The following RPN2 variants were observed in gnomAD, a reference collection of about 807,000 sequenced individuals.
RPN2 encodes ribophorin II.
Under a neutral mutation model 71.4 loss-of-function variants are expected in RPN2, and 29 were observed. The ratio of observed to expected loss-of-function variants is 0.41; its 90% CI spans 0.30 to 0.55. RPN2 has a LOEUF of 0.55. Among genes scored for constraint, RPN2 ranks in the 20% least tolerant of loss-of-function variants. RPN2 has a pLI of 0.35. For synonymous variants in RPN2, 308 were observed against 305.0 expected, an observed-to-expected ratio of 1.01 and a Z score of -0.10; for missense variants, 726 against 774.1, an observed-to-expected ratio of 0.94 and a Z score of 0.74.
In RPN2 at chr20:37,229,994, C is replaced by T. The variant is rs747166299; in HGVS notation, c.1516C>T (p.Pro506Ser). Residue 506 changes from proline (P) to serine (S), a missense_variant, in exon 13 of 17, where the codon CCT (proline) becomes TCT (serine). Transcript: ENST00000237530. ...CTAGGCTGATGTGGTCATCAAGTTC[C>T]CTGAGGAAGAAGCTCCCTCGACTGT... Reference protein sequence around the residue: ...WNVADVVIKFPEEEAPSTVLS... With the variant: ...WNVADVVIKFSEEEAPSTVLS... 1 of 1,613,952 alleles carries T rather than the reference C, an allele frequency of 6.2e-7. No homozygotes were observed. Among genetic ancestry groups the T allele is most frequent in the Non-Finnish European group, 8.5e-7 (1 of 1,179,958 alleles).
chr20:37,234,141 T>G (rs6104178), intron 15 of RPN2, 46 bp downstream of exon 15: 1 of 1,593,634 alleles, frequency 6.3e-7, no homozygotes, highest in African/African-American at 1.3e-5. Context: ...CTCTGACATT[T>G]AGCCTGCCCA....
At chr20:37,206,593 A>G (rs1264849776) in intron 6 of RPN2, among the ~76,000 whole-genome samples, 1 of 152,216 alleles carries the variant, frequency 6.6e-6, no homozygotes, top group Non-Finnish European at 1.5e-5. Context: ...TAAAGCACCT[A>G]TCATGATGCC....
intron 9 of RPN2, among the ~76,000 whole-genome samples, chr20:37,217,490 A>T (rs2067840736): frequency 6.6e-6 from 1 of 151,278 alleles, no homozygotes; most frequent in South Asian, 2.1e-4. Flanking sequence ...ACGGGGTTTC[A>T]CTATGTTGGC....
intron 3 of RPN2, 99 bp from the exon 4 acceptor site, chr20:37,198,951 A>T: frequency 1.1e-6 from 1 of 949,810 alleles, no homozygotes; most frequent in Non-Finnish European, 1.7e-6. Context: ...TGCGAGGCGG[A>T]GGTGACTTTG....
rs1176632709 is a variant in RPN2 at position 37,234,066 on chromosome 20, G to C, written c.1724G>C (p.Ser575Thr). 2 of 1,614,176 alleles carry C rather than the reference G, an allele frequency of 1.2e-6. No individual in the cohort carries two copies. The highest frequency in any genetic ancestry group is 3.3e-5 in the Admixed American group (2 of 60,028). The change falls in exon 15 of 17, where the codon AGC becomes ACC. Residue 575 changes from serine to threonine, a missense_variant. Coordinates refer to ENST00000237530, the MANE Select transcript of RPN2 (RefSeq NM_002951.5). ...ANVSNFTFAP[S>T]TIIFHLGHAA... ...GTCTCCAACTTCACTTTTGCTCCTA[G>C]CACGATTATATTTCACCTGGGACAT...
chr20:37,204,861 A>G lies in RPN2; in HGVS notation c.650A>G (p.Lys217Arg), dbSNP rs2067476541. 2.5e-6 allele frequency: 4 copies of G among 1,614,188 alleles called. No individual in the cohort carries two copies. In the East Asian group the frequency reaches 6.7e-5, roughly 27 times the overall value. Residue 217 changes from lysine (K) to arginine (R), a missense_variant, in exon 6 of 17, where the codon AAG becomes AGG. Lys to Arg is a conservative substitution (Grantham distance 26). Transcript: ENST00000237530. Reference protein sequence around the residue: ...TTALFVAATYKLMDHVGTEPS... With the variant: ...TTALFVAATYRLMDHVGTEPS... ...GCGTTATTTGTGGCTGCCACCTACAAGCTCATGGATCATGTGGGGACTGAG... is the reference window on the plus strand; with the variant it reads ...GCGTTATTTGTGGCTGCCACCTACAGGCTCATGGATCATGTGGGGACTGAG...
At chr20:37,206,048 A>C (rs992752066) in intron 6 of RPN2, among the ~76,000 whole-genome samples, 9 of 152,314 alleles carry the variant, frequency 5.9e-5, no homozygotes, top group African/African-American at 2.2e-4. Context: ...CAATTAAAGA[A>C]AATTCTTTCA....
chr20:37,213,995 G>A (rs1036298311), intron 9 of RPN2, 130 bp downstream of exon 9: 1 of 746,430 alleles, frequency 1.3e-6, no homozygotes, highest in African/African-American at 1.7e-5. Flanking sequence ...TGTGGAGGGA[G>A]GGCTGCATTC....
chr20:37,238,302 C>G (rs983725193), intron 16 of RPN2: 15 of 901,676 alleles, frequency 1.7e-5, no homozygotes, highest in Admixed American at 4.0e-5. Flanking sequence ...AATCAGTGAC[C>G]CTAATGGAAG....
intron 2 of RPN2, among the ~76,000 whole-genome samples, chr20:37,187,600 T>C (rs2146522313): frequency 6.6e-6 from 1 of 152,186 alleles, no homozygotes; most frequent in South Asian, 2.1e-4. Flanking sequence ...CTTACCTGTT[T>C]TTCCCTCTCT....
Position 37,184,307 on chromosome 20 carries a change from T to C in RPN2, c.141T>C (p.Asn47=). 2 of 1,614,136 alleles carry C rather than the reference T, an allele frequency of 1.2e-6. No individual in the cohort carries two copies. Among genetic ancestry groups the C allele is most frequent in the Non-Finnish European group, 8.5e-7 (1 of 1,180,028 alleles). The change falls in exon 2 of 17, where the codon AAT becomes AAC. Residue 47 remains asparagine, a synonymous_variant. Coordinates refer to ENST00000237530, the MANE Select transcript of RPN2 (RefSeq NM_002951.5). ...CCTCGCTGGATCGCCCTTTCACAAA[T>C]TTGGAATCTGCCTTCTACTCCATCG... The part of the protein sequence containing the change: ...LKASLDRPFT[N]LESAFYSIVG...
rs79906004 is a variant in RPN2 at position 37,225,921 on chromosome 20, C to T, written c.1299+119C>T. On this transcript the variant is annotated intron_variant, in intron 11 of 16. Transcript: ENST00000237530. ...CACGTTCCTGCTTTCAGGTTTTGAC[C>T]GAACCCTGACAGTCCATCAGGTTCT... 15,766 of 753,220 alleles carry T rather than the reference C, an allele frequency of 0.021. 215 individuals carry two copies. Among genetic ancestry groups the T allele is most frequent in the Non-Finnish European group, 0.029 (12,099 of 423,538 alleles). 46.7% of individuals were successfully genotyped at this position (753,220 alleles called of 1,614,324 possible). A position where few individuals can be genotyped will look rare whatever the true frequency, so the allele number is the denominator to read the frequency against.
intron 4 of RPN2, 75 bp downstream of exon 4, chr20:37,199,300 T>A: frequency 6.4e-7 from 1 of 1,566,048 alleles, no homozygotes; most frequent in Non-Finnish European, 8.7e-7. Context: ...ATTCATTGGT[T>A]CAGCAAATAC....
intron 6 of RPN2, among the ~76,000 whole-genome samples, chr20:37,206,582 G>A (rs1246032811): frequency 6.6e-6 from 1 of 152,118 alleles, no homozygotes; most frequent in African/African-American, 2.4e-5. Flanking sequence ...GTTAATGCAT[G>A]TAAAGCACCT....
chr20:37,227,593 A>G (rs1482164540), intron 11 of RPN2, among the ~76,000 whole-genome samples: 1 of 152,150 alleles, frequency 6.6e-6, no homozygotes, highest in Non-Finnish European at 1.5e-5. Flanking sequence ...AACACATGAG[A>G]TGTAGATTTT....
Position 37,180,920 on chromosome 20 carries a change from C to T in RPN2, c.13+1551C>T, listed in dbSNP as rs139802291. On this transcript the variant is annotated intron_variant, in intron 1 of 16. Coordinates refer to ENST00000237530, the MANE Select transcript of RPN2 (RefSeq NM_002951.5). ...CCATTAGAGTGTAAGTCAAATCACT[C>T]CTCTGCTTAGAACTTTCCAGTGGTC... is the stretch of plus-strand genomic sequence containing the variant. Among the ~76,000 whole-genome samples, 529 of 152,248 alleles carry T rather than the reference C, an allele frequency of 3.5e-3. 7 individuals carry two copies. Among genetic ancestry groups the T allele is most frequent in the East Asian group, 0.03 (157 of 5,182 alleles).
intron 9 of RPN2, among the ~76,000 whole-genome samples, chr20:37,216,358 TAAAA>T (rs2067803818): frequency 6.6e-6 from 1 of 152,130 alleles, no homozygotes; most frequent in African/African-American, 2.4e-5. Flanking sequence ...AATAAATAAA[TAAAA>T]TACAAGTTTT....
chr20:37,219,670 T>G (rs2067904056), intron 9 of RPN2, among the ~76,000 whole-genome samples: 1 of 151,380 alleles, frequency 6.6e-6, no homozygotes, highest in Non-Finnish European at 1.5e-5. Context: ...TTTACTACTA[T>G]GTTTTCTTAA....
chr20:37,204,375 G>A (rs997825423), intron 5 of RPN2, among the ~76,000 whole-genome samples: 2 of 152,248 alleles, frequency 1.3e-5, no homozygotes, highest in South Asian at 4.1e-4. Flanking sequence ...TCTGGGAAAC[G>A]CTGTGCTTTG....
Sources: allele counts gnomAD v4.1 joint callset (sites outside exome capture counted in the v4.1 genomes callset), GRCh38; gene constraint gnomAD v4.1.1; transcripts MANE v1.5; gene names NCBI Gene and HGNC (gene_info 2026-07-23, HGNC 2026-07-21).